The following SCARB1 variants were observed in gnomAD, a reference collection of about 807,000 sequenced individuals.
The protein encoded by SCARB1 is scavenger receptor class B member 1.
SCARB1 carries 30 observed loss-of-function variants against 57.2 expected under a neutral mutation model. That is an observed-to-expected ratio of 0.52 (90% CI 0.39 to 0.71). SCARB1 has a LOEUF of 0.71. SCARB1 is among the 30% of genes least tolerant of loss of function. The pLI is 0.00. For synonymous variants in SCARB1, 249 were observed against 268.3 expected, an observed-to-expected ratio of 0.93 and a Z score of 0.70; for missense variants, 543 against 671.2, an observed-to-expected ratio of 0.81 and a Z score of 2.11.
At chr12:124,815,808 G>A (rs1465283763) in intron 2 of SCARB1, among the ~76,000 whole-genome samples, 5 of 152,152 alleles carry the variant, frequency 3.3e-5, no homozygotes. Context: ...GGACGTTGCA[G>A]TGAGCCGAGA....
chr12:124,826,318 G>T, intron 1 of SCARB1, among the ~76,000 whole-genome samples: 1 of 132,100 alleles, frequency 7.6e-6, no homozygotes, highest in South Asian at 2.4e-4. Context: ...GTGACAGAGC[G>T]AGACCCTGTC....
At chr12:124,831,693 AGCAGGC>A (rs1951398232) in intron 1 of SCARB1, among the ~76,000 whole-genome samples, 1 of 152,122 alleles carries the variant, frequency 6.6e-6, no homozygotes, top group Non-Finnish European at 1.5e-5. Flanking sequence ...TCCACCTACC[AGCAGGC>A]GCCTGATACA....
Position 124,810,472 on chromosome 12 carries a change from C to T in SCARB1, c.727-183G>A, listed in dbSNP as rs1594263872. 1.3e-5 allele frequency among the ~76,000 whole-genome samples: 2 copies of T among 152,196 alleles called. No homozygotes were observed. Among genetic ancestry groups the T allele is most frequent in the Admixed American group, 1.3e-4 (2 of 15,278 alleles). ...AGAGAATGCCTACCACAGCTTCCCC[C>T]TCCCAGACCCCTGAATGTGTAACTT... On this transcript the variant is annotated intron_variant, in intron 5 of 12. Coordinates refer to ENST00000261693, the MANE Select transcript of SCARB1 (RefSeq NM_005505.5). The surrounding 1 kb of genome is among the most constrained non-coding windows in gnomAD (Gnocchi z 4.0).
intron 1 of SCARB1, among the ~76,000 whole-genome samples, chr12:124,857,189 C>T (rs922169139): frequency 2.0e-5 from 3 of 152,194 alleles, no homozygotes; most frequent in African/African-American, 7.2e-5. Flanking sequence ...CCTGATTCAA[C>T]CGCTTGGAGC....
At chr12:124,857,689 G>C (rs915712015) in intron 1 of SCARB1, among the ~76,000 whole-genome samples, 1 of 152,232 alleles carries the variant, frequency 6.6e-6, no homozygotes, top group Non-Finnish European at 1.5e-5. Context: ...TGCAGGCAAA[G>C]ATGACCGAAG....
intron 1 of SCARB1, among the ~76,000 whole-genome samples, chr12:124,857,580 CA>C (rs1227008223): frequency 1.1e-4 from 16 of 152,146 alleles, no homozygotes; most frequent in Admixed American, 3.3e-4. Context: ...GAAGGGGTGG[CA>C]AGGAGCTCAG....
At chr12:124,856,309 ACGT>A (rs1054564611) in intron 1 of SCARB1, among the ~76,000 whole-genome samples, 2 of 152,224 alleles carry the variant, frequency 1.3e-5, no homozygotes, top group African/African-American at 4.8e-5. Context: ...ACACATCATC[ACGT>A]CGTCACACAT....
chr12:124,792,706 G>A lies in SCARB1; in HGVS notation c.1202+2489C>T, dbSNP rs568655262. On this transcript the variant is annotated intron_variant, in intron 9 of 12. Coordinates refer to ENST00000261693, the MANE Select transcript of SCARB1 (RefSeq NM_005505.5). ...CACTGCACTCTGGCCTGGGTGACAC[G>A]GCAAGACTTCGTCTCAAAAAAAAAA... Among the ~76,000 whole-genome samples, 13 of 139,968 alleles carry A rather than the reference G, an allele frequency of 9.3e-5. No individual in the cohort carries two copies. The East Asian group carries it at 2.0e-3, about 22-fold the overall frequency. The allele number at this position is 139,968 out of a possible 152,430, so 91.8% of individuals were successfully genotyped here.
chr12:124,825,753 G>A lies in SCARB1; in HGVS notation c.127-8046C>T, dbSNP rs1951132813. On this transcript the variant is annotated intron_variant, in intron 1 of 12. Transcript: ENST00000261693. Reference sequence around the variant, plus strand: ...CACGGTGGCTGCACAGTGAGTAAACGCCATCGACTTGCAGATATCTCAAAG... The same window carrying A: ...CACGGTGGCTGCACAGTGAGTAAACACCATCGACTTGCAGATATCTCAAAG... Among the ~76,000 whole-genome samples the A allele has an allele frequency of 3.3e-5, 5 of 152,190 alleles. No individual in the cohort carries two copies. In the South Asian group the frequency reaches 6.2e-4, roughly 19 times the overall value.
chr12:124,839,635 A>C (rs1335380948), intron 1 of SCARB1: 1 of 985,116 alleles, frequency 1.0e-6, no homozygotes, highest in Non-Finnish European at 1.2e-6. Flanking sequence ...CAGCTGCACC[A>C]TCCTACATTC....
intron 1 of SCARB1, among the ~76,000 whole-genome samples, chr12:124,841,134 G>A (rs1445623700): frequency 6.6e-6 from 1 of 152,240 alleles, no homozygotes; most frequent in Non-Finnish European, 1.5e-5. Context: ...CACTTTGGGA[G>A]GCCGAGGTGG....
chr12:124,779,445 C>T (rs1367412685), intron 12 of SCARB1, among the ~76,000 whole-genome samples: 2 of 152,124 alleles, frequency 1.3e-5, no homozygotes, highest in Non-Finnish European at 2.9e-5. Context: ...AGTTCCTGGC[C>T]ATGGCTGCTC....
intron 1 of SCARB1, among the ~76,000 whole-genome samples, chr12:124,852,435 G>A (rs549595251): frequency 1.8e-3 from 277 of 152,306 alleles, no homozygotes; most frequent in Non-Finnish European, 3.0e-3. Flanking sequence ...AGGGAGGCCC[G>A]GAGAAACACG....
intron 2 of SCARB1, among the ~76,000 whole-genome samples, chr12:124,816,962 C>T (rs1480906254): frequency 1.3e-5 from 2 of 151,734 alleles, no homozygotes; most frequent in Admixed American, 6.6e-5. Flanking sequence ...CGTGCTGACC[C>T]ACCCGGTCCT....
chr12:124,854,478 G>C (rs539330712), intron 1 of SCARB1, among the ~76,000 whole-genome samples: 1 of 152,276 alleles, frequency 6.6e-6, no homozygotes, highest in Admixed American at 6.5e-5. Context: ...ATCTTGATGG[G>C]CTCCCATGGC....
intron 1 of SCARB1, among the ~76,000 whole-genome samples, chr12:124,829,235 C>G (rs143013968): frequency 1.1e-4 from 17 of 152,302 alleles, no homozygotes; most frequent in Admixed American, 1.1e-3. Context: ...GGGCTGCTCT[C>G]GCTTTAAAGC....
intron 9 of SCARB1, 97 bp downstream of exon 9, chr12:124,795,098 G>C: frequency 1.9e-6 from 2 of 1,025,690 alleles, no homozygotes; most frequent in Non-Finnish European, 3.1e-6. Context: ...CCATGCCCTG[G>C]TTCCTGGGGT....
chr12:124,827,033 C>T (rs569858418), intron 1 of SCARB1, among the ~76,000 whole-genome samples: 1 of 152,136 alleles, frequency 6.6e-6, no homozygotes, highest in Non-Finnish European at 1.5e-5. Flanking sequence ...TACGAGCCAC[C>T]GTCCGAACAT....
intron 8 of SCARB1, among the ~76,000 whole-genome samples, chr12:124,797,709 C>G (rs1008569171): frequency 6.6e-6 from 1 of 152,156 alleles, no homozygotes; most frequent in Admixed American, 6.6e-5. Flanking sequence ...CGGAAGCCAG[C>G]AGAGCAAGAG....
Sources: gnomAD v4.1 joint callset for allele counts (sites outside exome capture counted in the v4.1 genomes callset) on GRCh38, gnomAD v4.1.1 for gene constraint, Gnocchi (gnomAD v3.1) non-coding constraint, MANE v1.5 for transcripts, NCBI Gene and HGNC (gene_info 2026-07-23, HGNC 2026-07-21) for gene names.